The following WDR11 variants were observed in gnomAD, a reference collection of about 807,000 sequenced individuals.
WDR11 encodes WD repeat-containing protein 11.
In WDR11, 83 loss-of-function variants were observed where a neutral mutation model predicts 151.2. The ratio of observed to expected loss-of-function variants is 0.55; its 90% CI spans 0.46 to 0.66. WDR11 has a LOEUF of 0.66. WDR11 is among the 30% of genes least tolerant of loss of function. The pLI, the probability that WDR11 is intolerant of heterozygous loss-of-function variation, is 0.00. For missense variants in WDR11, 1,301 were observed against 1,480.9 expected (o/e 0.88, Z 1.99); for synonymous variants, 484 against 533.1 (o/e 0.91, Z 1.27).
At chr10:120,891,116 C>T (rs1189382779) in intron 19 of WDR11, among the ~76,000 whole-genome samples, 6 of 126,782 alleles carry the variant, frequency 4.7e-5, no homozygotes, top group Non-Finnish European at 1.0e-4. Flanking sequence ...TTTAAGTGCC[C>T]CTTTTGACTC....
chr10:120,892,679 G>A (rs889730608), intron 19 of WDR11, among the ~76,000 whole-genome samples: 1 of 152,130 alleles, frequency 6.6e-6, no homozygotes, highest in Non-Finnish European at 1.5e-5. Context: ...AGTAGAGAAC[G>A]TAAAATATTG....
chr10:120,855,737 T>C (rs1434296440), intron 2 of WDR11, among the ~76,000 whole-genome samples: 3 of 152,248 alleles, frequency 2.0e-5, no homozygotes, highest in African/African-American at 4.8e-5. Context: ...CTAACTTCAC[T>C]TAGTAGATCT....
At position 120,851,427 on chromosome 10, in the gene WDR11, C is replaced by T. The variant is rs777677898; in HGVS notation, c.7C>T (p.Pro3Ser). ...TCCTGGGCTGGCCGCCGGGATGTTG[C>T]CCTACACAGTGAACTTCAAGGTGTC... is the stretch of plus-strand genomic sequence containing the variant. ML[P>S]YTVNFKVSAR... Residue 3 changes from proline (P) to serine (S), a missense_variant, in exon 1 of 29, where the codon CCC becomes TCC. This residue lies in a region of WDR11 where 692 missense variants were observed against 762.5 expected (regional missense o/e 0.91). Transcript: ENST00000263461. 1.1e-5 allele frequency: 17 copies of T among 1,610,848 alleles called. No homozygotes were observed. The Admixed American group carries it at 1.7e-4, about 16-fold the overall frequency.
chr10:120,893,094 A>G (rs1847481346), intron 19 of WDR11, among the ~76,000 whole-genome samples: 1 of 151,288 alleles, frequency 6.6e-6, no homozygotes. Context: ...TACATGTGCC[A>G]TGTTGGTGTG....
Position 120,889,907 on chromosome 10 carries a change from A to G in WDR11, c.2241A>G (p.Thr747=), listed in dbSNP as rs763997583. ...TCTTTGTCTTCAGAGGAATACCCAC[A>G]CACCGAAGTTGGGTGAGGAAGATTC... ...LKGRVSRGIP[T]HRSWVRKIRF... The change falls in exon 18 of 29, where the codon ACA becomes ACG. Residue 747 remains threonine (T), a synonymous_variant. Transcript: ENST00000263461. 1 of 1,613,394 alleles carries G rather than the reference A, an allele frequency of 6.2e-7. No homozygotes were observed.
Position 120,867,051 on chromosome 10 carries a change from A to G in WDR11, c.1191-15A>G, listed in dbSNP as rs766639528. The G allele has an allele frequency of 8.8e-6, 14 of 1,598,702 alleles. No homozygotes were observed. In the South Asian group the frequency reaches 1.2e-4, roughly 14 times the overall value. On this transcript the variant is annotated splice_polypyrimidine_tract_variant and intron_variant, in intron 8 of 28. Transcript: ENST00000263461. ...TTTAAGTATGTAAAACCTTCTAATT[A>G]TTATGTCTTTGCAGTAGTTCTGGTG... is the stretch of plus-strand genomic sequence containing the variant.
intron 5 of WDR11, among the ~76,000 whole-genome samples, chr10:120,863,816 T>A (rs1001948416): frequency 2.6e-5 from 4 of 152,172 alleles, no homozygotes; most frequent in Admixed American, 6.5e-5. Context: ...TGCACTTGTG[T>A]GTAAGTATCA....
intron 7 of WDR11, 92 bp downstream of exon 7, chr10:120,865,836 A>G (rs1344358545): frequency 1.2e-6 from 1 of 817,440 alleles, no homozygotes; most frequent in Non-Finnish European, 2.0e-6. Context: ...TATATAGTTA[A>G]TGATACTCCT....
Position 120,883,885 on chromosome 10 carries a change from T to C in WDR11, c.1845T>C (p.Ala615=), listed in dbSNP as rs756240199. The change falls in exon 14 of 29, where the codon GCT becomes GCC. Residue 615 remains alanine (A), a synonymous_variant. Coordinates refer to ENST00000263461, the MANE Select transcript of WDR11 (RefSeq NM_018117.12). ...CCAAAAACTTCCCTACAATAACTGC[T>C]TTGGTAAGTTACAATTTAAGAATTT... ...EMSKNFPTIT[A]LEWSPSHNLK... is the part of the protein sequence containing the mutation. The C allele has an allele frequency of 2.5e-6, 4 of 1,608,872 alleles. No homozygotes were observed. The Admixed American group carries it at 6.7e-5, about 27-fold the overall frequency.
chr10:120,908,808 T>C lies in WDR11; in HGVS notation c.*95T>C. ...CGTCACAGTCCAGGATGAAGAGGAG[T>C]ACAGGGTCCTGTGAGCTGTTTGACC... On this transcript the variant is annotated 3_prime_UTR_variant, in exon 29 of 29. Coordinates refer to ENST00000263461, the MANE Select transcript of WDR11 (RefSeq NM_018117.12). 1.4e-6 allele frequency: 2 copies of C among 1,387,292 alleles called. No individual in the cohort carries two copies. The highest frequency in any genetic ancestry group is 2.0e-6 in the Non-Finnish European group (2 of 979,494). The allele number at this position is 1,387,292 out of a possible 1,614,324, so 85.9% of individuals were successfully genotyped here.
chr10:120,881,400 T>C (rs1458432945), intron 13 of WDR11, among the ~76,000 whole-genome samples: 1 of 152,176 alleles, frequency 6.6e-6, no homozygotes, highest in East Asian at 1.9e-4. Flanking sequence ...ATATAAATTT[T>C]AGAATCAGAC....
At chr10:120,908,294 GGTCTTCTGGAAGGAGA>G (rs1237343626) in intron 28 of WDR11, 2 of 451,276 alleles carry the variant, frequency 4.4e-6, no homozygotes, top group East Asian at 8.4e-5. Flanking sequence ...ATGTTGGTTG[GGTCTTCTGGAAGGAGA>G]AGCTTTGGAC....
Position 120,903,049 on chromosome 10 carries a change from T to C in WDR11, c.2754-6T>C, listed in dbSNP as rs546459601. On this transcript the variant is annotated splice_region_variant and splice_polypyrimidine_tract_variant and intron_variant, in intron 22 of 28. Coordinates refer to ENST00000263461, the MANE Select transcript of WDR11 (RefSeq NM_018117.12). Reference sequence around the variant, plus strand: ...TGCAGTCAAAACTTTGCTTCATCCTTGCCAGGCTCTATGGTGATGAATCGG... The same window carrying C: ...TGCAGTCAAAACTTTGCTTCATCCTCGCCAGGCTCTATGGTGATGAATCGG... 1 of 1,613,746 alleles carries C rather than the reference T, an allele frequency of 6.2e-7. No individual in the cohort carries two copies. Among genetic ancestry groups the C allele is most frequent in the Non-Finnish European group, 8.5e-7 (1 of 1,180,002 alleles).
chr10:120,876,932 A>C (rs536827382), intron 11 of WDR11, among the ~76,000 whole-genome samples: 4 of 152,336 alleles, frequency 2.6e-5, no homozygotes, highest in Non-Finnish European at 4.4e-5. Flanking sequence ...CTTACAGTGC[A>C]TGTGCTGCAT....
At chr10:120,908,399 A>C (rs1191116553) in intron 28 of WDR11, 157 bp from the exon 29 acceptor site, 9 of 742,576 alleles carry the variant, frequency 1.2e-5, no homozygotes, top group Non-Finnish European at 2.1e-5. Context: ...TGCCCGCGAA[A>C]AGTCTCCTGT....
At chr10:120,905,136 C>T (rs1041562853) in intron 25 of WDR11, among the ~76,000 whole-genome samples, 183 bp from the exon 26 acceptor site, 2 of 152,132 alleles carry the variant, frequency 1.3e-5, no homozygotes, top group Non-Finnish European at 2.9e-5. Flanking sequence ...GCTTCCTACC[C>T]TGGTTACTTG....
chr10:120,893,895 A>C (rs1847512058), intron 19 of WDR11, among the ~76,000 whole-genome samples: 1 of 151,598 alleles, frequency 6.6e-6, no homozygotes, highest in African/African-American at 2.4e-5. Context: ...GTTTGAGTTC[A>C]TTGTAGATTC....
chr10:120,903,808 C>T (rs912958160), intron 23 of WDR11, among the ~76,000 whole-genome samples: 1 of 152,068 alleles, frequency 6.6e-6, no homozygotes, highest in Non-Finnish European at 1.5e-5. Flanking sequence ...GTTTTTCATC[C>T]GGCTCTACTT....
At chr10:120,890,298 C>T (rs974680584) in intron 18 of WDR11, among the ~76,000 whole-genome samples, 4 of 152,094 alleles carry the variant, frequency 2.6e-5, no homozygotes, top group African/African-American at 7.2e-5. Context: ...TTGCAGCCTC[C>T]ACCTCCTGGG....
Sources: gnomAD v4.1 joint callset for allele counts (sites outside exome capture counted in the v4.1 genomes callset) on GRCh38, gnomAD v4.1.1 for gene constraint, gnomAD v4.1.1 regional missense constraint, MANE v1.5 for transcripts, NCBI Gene and HGNC (gene_info 2026-07-23, HGNC 2026-07-21) for gene names.